Variants in TENM4 observed in about 807,000 individuals in gnomAD.
TENM4 encodes teneurin-4.
TENM4 carries 82 observed loss-of-function variants against 243.3 expected under a neutral mutation model. The ratio of observed to expected loss-of-function variants is 0.34; its 90% CI spans 0.28 to 0.40. The LOEUF (loss-of-function observed/expected upper bound fraction) is 0.40. Ranked by LOEUF, TENM4 falls within the 10% of genes least tolerant of loss-of-function variation. The pLI is 1.00. For missense variants in TENM4, 3,138 were observed against 3,673.3 expected (o/e 0.85, Z 3.77); for synonymous variants, 1,412 against 1,456.3 (o/e 0.97, Z 0.69).
intron 1 of TENM4, among the ~76,000 whole-genome samples, chr11:79,430,758 G>A (rs1419328119): frequency 2.0e-5 from 3 of 152,218 alleles, no homozygotes; most frequent in Non-Finnish European, 4.4e-5. Flanking sequence ...TTCAGGGTCT[G>A]AATCTAGTTC....
At chr11:78,758,492 T>C (rs1452462585) in intron 18 of TENM4, among the ~76,000 whole-genome samples, 1 of 152,208 alleles carries the variant, frequency 6.6e-6, no homozygotes, top group Non-Finnish European at 1.5e-5. Flanking sequence ...CAAGTTCCTG[T>C]ACTTAGTCTC....
intron 1 of TENM4, among the ~76,000 whole-genome samples, chr11:79,338,099 C>T (rs531945600): frequency 6.6e-6 from 1 of 152,350 alleles, no homozygotes; most frequent in East Asian, 1.9e-4. Flanking sequence ...CAGGATCATG[C>T]CAGCTTGGTG....
At chr11:78,849,105 T>C (rs1405988952) in intron 12 of TENM4, among the ~76,000 whole-genome samples, 1 of 152,196 alleles carries the variant, frequency 6.6e-6, no homozygotes, top group Admixed American at 6.5e-5. Flanking sequence ...ATTGCCACAA[T>C]GTCAGGCTGA....
chr11:78,931,801 T>C (rs10501432), intron 6 of TENM4, among the ~76,000 whole-genome samples: 16,652 of 152,164 alleles, frequency 0.11, 2,373 homozygotes, highest in African/African-American at 0.33. Flanking sequence ...TTCAACCGGT[T>C]AATGAAACGC....
intron 3 of TENM4, among the ~76,000 whole-genome samples, chr11:79,161,442 C>T (rs1862744350): frequency 6.6e-6 from 1 of 152,188 alleles, no homozygotes; most frequent in Non-Finnish European, 1.5e-5. Context: ...TATAAGACCA[C>T]ACTGGATTAG....
At chr11:79,271,747 CT>C (rs1332551097) in intron 2 of TENM4, among the ~76,000 whole-genome samples, 15 of 152,338 alleles carry the variant, frequency 9.8e-5, no homozygotes, top group African/African-American at 3.6e-4. Context: ...CCACAGGGTC[CT>C]GGGGTGGCAG....
chr11:79,409,066 G>GTA (rs1858632876), intron 1 of TENM4, among the ~76,000 whole-genome samples: 1 of 64,100 alleles, frequency 1.6e-5, no homozygotes, highest in Non-Finnish European at 3.3e-5. Flanking sequence ...TATTTTGTGT[G>GTA]TGTGTGTGTG....
At chr11:78,765,992 T>C (rs1856532428) in intron 18 of TENM4, among the ~76,000 whole-genome samples, 2 of 152,240 alleles carry the variant, frequency 1.3e-5, no homozygotes, top group Non-Finnish European at 2.9e-5. Flanking sequence ...TAAAATTTTA[T>C]AGAGGACATA....
At chr11:79,413,871 A>T (rs1858754867) in intron 1 of TENM4, among the ~76,000 whole-genome samples, 1 of 152,114 alleles carries the variant, frequency 6.6e-6, no homozygotes, top group Non-Finnish European at 1.5e-5. Context: ...CTGCAAAAAA[A>T]AGGAGAAAAA....
chr11:78,777,330 A>G (rs1473015046), intron 17 of TENM4, among the ~76,000 whole-genome samples: 1 of 152,144 alleles, frequency 6.6e-6, no homozygotes, highest in African/African-American at 2.4e-5. Context: ...CCTTTGCTGT[A>G]TTTGGCAAAG....
intron 1 of TENM4, among the ~76,000 whole-genome samples, chr11:79,335,362 A>G (rs2135451621): frequency 6.6e-6 from 1 of 152,366 alleles, no homozygotes; most frequent in East Asian, 1.9e-4. Flanking sequence ...AATAGATGCC[A>G]TCCTGCTACG....
At position 78,938,497 on chromosome 11, in the gene TENM4, C is replaced by T. The variant is rs116739722; in HGVS notation, c.494-34974G>A. On this transcript the variant is annotated intron_variant, in intron 6 of 33. Coordinates refer to ENST00000278550, the MANE Select transcript of TENM4 (RefSeq NM_001098816.3). The stretch of plus-strand genomic sequence containing the variant: ...GTACAGATCAACAAAGTATAGGCTC[C>T]GTGGTGCCCAGATTTGCATTTCATA... Among the ~76,000 whole-genome samples the T allele has an allele frequency of 7.6e-3, 1,149 of 152,150 alleles. 24 individuals are homozygous for T. Among genetic ancestry groups the T allele is most frequent in the African/African-American group, 0.026 (1,069 of 41,498 alleles).
chr11:78,714,084 G>A (rs1859465831), intron 25 of TENM4, among the ~76,000 whole-genome samples: 1 of 152,210 alleles, frequency 6.6e-6, no homozygotes, highest in African/African-American at 2.4e-5. Flanking sequence ...GGGACAGACT[G>A]AGCAGTGATG....
chr11:79,335,567 A>C (rs1000973629), intron 1 of TENM4, among the ~76,000 whole-genome samples: 4 of 152,204 alleles, frequency 2.6e-5, no homozygotes, highest in African/African-American at 4.8e-5. Context: ...TCAGGATTGA[A>C]GACTGCAGAT....
At chr11:79,255,362 C>T (rs1405342946) in intron 2 of TENM4, among the ~76,000 whole-genome samples, 2 of 152,124 alleles carry the variant, frequency 1.3e-5, no homozygotes, top group Admixed American at 1.3e-4. Flanking sequence ...CTAACGCCTC[C>T]GTGTCTTACA....
intron 6 of TENM4, among the ~76,000 whole-genome samples, chr11:78,906,221 T>C (rs1428621414): frequency 6.6e-6 from 1 of 152,232 alleles, no homozygotes; most frequent in Non-Finnish European, 1.5e-5. Flanking sequence ...CAACAACCCT[T>C]CGGGGGCAGT....
chr11:78,786,826 C>T, intron 16 of TENM4, 72 bp downstream of exon 16: 1 of 1,545,578 alleles, frequency 6.5e-7, no homozygotes, highest in Non-Finnish European at 8.7e-7. Context: ...CCAGGCTGGC[C>T]CTGAAATGCC....
At chr11:79,163,109 A>G (rs548064913) in intron 3 of TENM4, among the ~76,000 whole-genome samples, 2 of 152,242 alleles carry the variant, frequency 1.3e-5, no homozygotes, top group African/African-American at 4.8e-5. Flanking sequence ...ACCTGACCCC[A>G]CATACCAGTT....
intron 4 of TENM4, chr11:79,093,898 G>C (rs916662409): frequency 6.6e-6 from 1 of 152,176 alleles, no homozygotes; most frequent in African/African-American, 2.4e-5. Flanking sequence ...TTACGGTTTA[G>C]GCTTATGCTG....
Sources: allele counts gnomAD v4.1 joint callset (sites outside exome capture counted in the v4.1 genomes callset), GRCh38; gene constraint gnomAD v4.1.1; transcripts MANE v1.5; gene names NCBI Gene and HGNC (gene_info 2026-07-23, HGNC 2026-07-21).